C12orf54: variants seen among roughly 807,000 people sequenced by gnomAD.
C12orf54 encodes the protein chromosome 12 open reading frame 54.
In C12orf54, 24 loss-of-function variants were observed where a neutral mutation model predicts 26.4. The ratio of observed to expected loss-of-function variants is 0.91; its 90% CI spans 0.66 to 1.28. The LOEUF is 1.28. C12orf54 is among the 50% of genes most tolerant of loss of function. The pLI is 0.00. For missense variants in C12orf54, 154 were observed against 150.9 expected, an observed-to-expected ratio of 1.02 and a Z score of -0.11; for synonymous variants, 54 against 47.0, an observed-to-expected ratio of 1.15 and a Z score of -0.61.
the C12orf54 span, among the ~76,000 whole-genome samples, chr12:48,476,291 A>T: frequency 6.6e-6 from 1 of 152,242 alleles, no homozygotes; most frequent in Non-Finnish European, 1.5e-5. Flanking sequence ...CTGCAAAAAC[A>T]TGCCAAATTG....
At chr12:48,492,844 C>T in intron 6 of C12orf54, 103 bp from the exon 7 acceptor site, 3 of 1,042,730 alleles carry the variant, frequency 2.9e-6, no homozygotes, top group Non-Finnish European at 4.5e-6. Context: ...AGTCTGGACC[C>T]TCCCACTTTG....
chr12:48,464,139 CTT>C, the C12orf54 span, among the ~76,000 whole-genome samples: 14 of 152,214 alleles, frequency 9.2e-5, no homozygotes, highest in South Asian at 2.9e-3. Flanking sequence ...GTCAAACGAT[CTT>C]TGTTTGCAGA....
At chr12:48,461,666 A>T in the C12orf54 span, among the ~76,000 whole-genome samples, 1 of 151,904 alleles carries the variant, frequency 6.6e-6, no homozygotes, top group Non-Finnish European at 1.5e-5. Flanking sequence ...AAGGAAAATT[A>T]GAAGGCATTT....
the C12orf54 span, among the ~76,000 whole-genome samples, chr12:48,450,303 C>T: frequency 6.6e-6 from 1 of 152,252 alleles, no homozygotes; most frequent in Non-Finnish European, 1.5e-5. Flanking sequence ...AAAGATACAA[C>T]ATACCAGAAT....
intron 7 of C12orf54, among the ~76,000 whole-genome samples, chr12:48,493,248 T>C (rs1937830733): frequency 6.6e-6 from 1 of 152,030 alleles, no homozygotes; most frequent in South Asian, 2.1e-4. Context: ...CCATAAGAGA[T>C]TGTAAGAAAG....
At chr12:48,477,717 T>G (rs1565568073), upstream of C12orf54, among the ~76,000 whole-genome samples, 1 of 152,318 alleles carries the variant, frequency 6.6e-6, no homozygotes, top group East Asian at 1.9e-4. Context: ...AATCTCTGAC[T>G]AGACCAATAA....
the C12orf54 span, chr12:48,417,269 C>A: frequency 3.3e-5 from 5 of 152,206 alleles, no homozygotes; most frequent in Non-Finnish European, 5.9e-5. Flanking sequence ...AATAGCAGAG[C>A]CTGAATATGG....
the C12orf54 span, among the ~76,000 whole-genome samples, chr12:48,466,148 G>T: frequency 6.6e-6 from 1 of 152,106 alleles, no homozygotes; most frequent in Non-Finnish European, 1.5e-5. Flanking sequence ...TTAAGGAATT[G>T]AATCCAGAAT....
intron 7 of C12orf54, 77 bp from the exon 8 acceptor site, chr12:48,494,721 C>T: frequency 6.9e-7 from 1 of 1,448,650 alleles, no homozygotes; most frequent in Non-Finnish European, 9.6e-7. Context: ...TCTCTAAGGG[C>T]AGTGGAGGCC....
the C12orf54 span, among the ~76,000 whole-genome samples, chr12:48,454,341 T>C: frequency 6.6e-6 from 1 of 152,104 alleles, no homozygotes; most frequent in Admixed American, 6.5e-5. Flanking sequence ...CGTCGTGATC[T>C]GCCCACCTCG....
the C12orf54 span, among the ~76,000 whole-genome samples, chr12:48,426,987 C>T: frequency 6.6e-6 from 1 of 151,888 alleles, no homozygotes; most frequent in Non-Finnish European, 1.5e-5. Flanking sequence ...GAGCCATGCC[C>T]ATGGGGTTTT....
At chr12:48,441,421 C>G in the C12orf54 span, among the ~76,000 whole-genome samples, 3 of 152,076 alleles carry the variant, frequency 2.0e-5, no homozygotes, top group Admixed American at 1.3e-4. Context: ...AGAGACCGTG[C>G]CACTGCACTC....
the C12orf54 span, among the ~76,000 whole-genome samples, chr12:48,460,006 T>C: frequency 6.6e-6 from 1 of 152,172 alleles, no homozygotes; most frequent in Non-Finnish European, 1.5e-5. Context: ...GATAATCTTG[T>C]CTGGTCAAAC....
chr12:48,472,548 A>T, the C12orf54 span: 9 of 1,221,980 alleles, frequency 7.4e-6, no homozygotes, highest in Non-Finnish European at 9.1e-6. Flanking sequence ...GGAATTAAGA[A>T]TTTACTTTCG....
intron 2 of C12orf54, 133 bp from the exon 3 acceptor site, chr12:48,486,045 G>A (rs920959198): frequency 2.6e-5 from 21 of 797,800 alleles, no homozygotes; most frequent in South Asian, 8.6e-5. Flanking sequence ...AGGCAGGACC[G>A]TGGCTACCCT....
the C12orf54 span, among the ~76,000 whole-genome samples, chr12:48,428,170 G>A: frequency 1.3e-5 from 2 of 151,898 alleles, no homozygotes; most frequent in Non-Finnish European, 2.9e-5. Context: ...TATAGCAAAG[G>A]CAGTCCTAAG....
chr12:48,477,425 A>G, the C12orf54 span, among the ~76,000 whole-genome samples: 3 of 152,210 alleles, frequency 2.0e-5, no homozygotes, highest in Non-Finnish European at 4.4e-5. Flanking sequence ...ATAGAGACAC[A>G]AAAAACCCTT....
At position 48,483,275 on chromosome 12, in the gene C12orf54, C is replaced by G. The variant is rs768464377; in HGVS notation, c.-22C>G. ...TATCTCCATCTTCAGCTCCAGAGTCCTTGGTTTCTGTCTGAGAACAAATGG... is the reference window on the plus strand; with the variant it reads ...TATCTCCATCTTCAGCTCCAGAGTCGTTGGTTTCTGTCTGAGAACAAATGG... On this transcript the variant is annotated 5_prime_UTR_variant, in exon 2 of 9. Transcript: ENST00000548364. 4 of 1,612,430 alleles carry G rather than the reference C, an allele frequency of 2.5e-6. No homozygotes were observed. In the African/African-American group the frequency reaches 5.3e-5, roughly 22 times the overall value.
the C12orf54 span, among the ~76,000 whole-genome samples, chr12:48,469,420 G>A: frequency 2.4e-4 from 37 of 152,096 alleles, no homozygotes; most frequent in Non-Finnish European, 4.0e-4. Flanking sequence ...GGTTCTTCCC[G>A]GCCCCGCAGA....
Sources: gnomAD v4.1 joint callset for allele counts (sites outside exome capture counted in the v4.1 genomes callset) on GRCh38, gnomAD v4.1.1 for gene constraint, MANE v1.5 for transcripts, NCBI Gene and HGNC (gene_info 2026-07-23, HGNC 2026-07-21) for gene names.